The following CDH18 variants were observed in gnomAD, a reference collection of about 807,000 sequenced individuals.
CDH18 encodes the protein cadherin 18.
A neutral mutation model predicts 67.9 loss-of-function variants in CDH18; 31 were observed. The observed-to-expected ratio is 0.46, with a 90% CI of 0.34 to 0.62. The LOEUF is 0.62. Ranked by LOEUF, CDH18 falls within the 20% of genes least tolerant of loss-of-function variation. The pLI is 0.01. For synonymous variants in CDH18, 362 were observed against 347.2 expected (o/e 1.04, Z -0.48); for missense variants, 890 against 975.5 (o/e 0.91, Z 1.17).
chr5:19,722,296 C>G (rs757879929), intron 4 of CDH18, among the ~76,000 whole-genome samples: 5 of 151,838 alleles, frequency 3.3e-5, no homozygotes, highest in Non-Finnish European at 7.4e-5. Flanking sequence ...TCTGGTGATC[C>G]GCCCCGCTCA....
intron 2 of CDH18, among the ~76,000 whole-genome samples, chr5:19,876,724 T>C (rs1581751459): frequency 6.6e-6 from 1 of 152,098 alleles, no homozygotes; most frequent in East Asian, 1.9e-4. Flanking sequence ...GTAGGTTTTA[T>C]GTAAAGCATG....
At chr5:20,466,880 G>A (rs1751668293) in intron 1 of CDH18, among the ~76,000 whole-genome samples, 1 of 152,016 alleles carries the variant, frequency 6.6e-6, no homozygotes, top group South Asian at 2.1e-4. Flanking sequence ...TTACTTAATG[G>A]AAATAGGAAT....
chr5:20,118,956 C>T (rs143244055), intron 2 of CDH18, among the ~76,000 whole-genome samples: 6 of 152,176 alleles, frequency 3.9e-5, no homozygotes, highest in Admixed American at 6.5e-5. Context: ...CAAATCAACC[C>T]GTACATGAGC....
chr5:20,480,623 C>T (rs1243791070), intron 1 of CDH18, among the ~76,000 whole-genome samples: 1 of 152,078 alleles, frequency 6.6e-6, no homozygotes, highest in African/African-American at 2.4e-5. Context: ...CCATATTGGC[C>T]AGGCTGGTCT....
At chr5:20,371,433 C>A (rs922431907) in intron 1 of CDH18, among the ~76,000 whole-genome samples, 1 of 152,076 alleles carries the variant, frequency 6.6e-6, no homozygotes, top group African/African-American at 2.4e-5. Context: ...GAATATGGAA[C>A]AATGGGAGAC....
chr5:19,742,081 A>C (rs565764277), intron 4 of CDH18, among the ~76,000 whole-genome samples: 1 of 152,306 alleles, frequency 6.6e-6, no homozygotes, highest in Admixed American at 6.5e-5. Context: ...AAACCACTTC[A>C]GTTTATTTTT....
chr5:20,261,518 A>G (rs1444252400), intron 1 of CDH18, among the ~76,000 whole-genome samples: 1 of 152,140 alleles, frequency 6.6e-6, no homozygotes, highest in Non-Finnish European at 1.5e-5. Context: ...AGGCGGGCAG[A>G]TCACGAGGTC....
At position 20,010,218 on chromosome 5, in the gene CDH18, T is replaced by A. The variant is rs1024030088; in HGVS notation, c.-517-18204A>T. ...ACCTCTACCATCTTCCATCTCTTAATCTCTTACATCACTCCTTCTTTTTAA... is the reference window on the plus strand; with the variant it reads ...ACCTCTACCATCTTCCATCTCTTAAACTCTTACATCACTCCTTCTTTTTAA... On this transcript the variant is annotated intron_variant, in intron 2 of 14. Transcript: ENST00000507958. 7.2e-4 allele frequency among the ~76,000 whole-genome samples: 109 copies of A among 151,494 alleles called. 1 individual carries two copies. Among genetic ancestry groups the A allele is most frequent in the Non-Finnish European group, 4.6e-4 (31 of 67,826 alleles).
chr5:20,143,339 T>A (rs1404069657), intron 2 of CDH18, among the ~76,000 whole-genome samples: 1 of 152,072 alleles, frequency 6.6e-6, no homozygotes, highest in South Asian at 2.1e-4. Flanking sequence ...AGTGGCATAT[T>A]TAGATGAGAA....
At chr5:20,474,619 A>G (rs1474579043) in intron 1 of CDH18, among the ~76,000 whole-genome samples, 1 of 152,226 alleles carries the variant, frequency 6.6e-6, no homozygotes, top group African/African-American at 2.4e-5. Flanking sequence ...GAGAAAAATA[A>G]AAGACTAAAA....
At position 19,571,643 on chromosome 5, in the gene CDH18, T is replaced by G. The variant is rs189886913; in HGVS notation, c.1189A>C (p.Lys397Gln). The change falls in exon 8 of 13, where the codon AAG (lysine) becomes CAG (glutamine). Residue 397 changes from lysine to glutamine, a missense_variant. Coordinates refer to ENST00000382275, the MANE Select transcript of CDH18 (RefSeq NM_004934.5). ...SYLMEVYENAKIGTVVGTVLA... is the reference protein window; with the variant it reads ...SYLMEVYENAQIGTVVGTVLA... ...ACTGTACCAACGACGGTCCCAATCT[T>G]GGCATTTTCGTAGACTTCCATGAGG... The G allele has an allele frequency of 2.5e-6, 4 of 1,614,004 alleles. No individual in the cohort carries two copies. In the East Asian group the frequency reaches 8.9e-5, roughly 36 times the overall value.
At chr5:20,135,172 T>A (rs1378042560) in intron 2 of CDH18, among the ~76,000 whole-genome samples, 1 of 152,156 alleles carries the variant, frequency 6.6e-6, no homozygotes, top group East Asian at 1.9e-4. Flanking sequence ...CATTTCACAG[T>A]GATTATTCTT....
intron 1 of CDH18, among the ~76,000 whole-genome samples, chr5:20,419,348 A>G (rs1158632905): frequency 6.6e-6 from 1 of 151,862 alleles, no homozygotes; most frequent in Non-Finnish European, 1.5e-5. Context: ...ACCCTTCACC[A>G]GAACCCAACC....
chr5:20,451,392 CCTT>C (rs993222655), intron 1 of CDH18, among the ~76,000 whole-genome samples: 1 of 152,088 alleles, frequency 6.6e-6, no homozygotes, highest in African/African-American at 2.4e-5. Context: ...AGCACAGAGT[CCTT>C]CTTAGAAATC....
rs374531770 is a variant in CDH18, at chr5:19,653,175, T to C, written c.644-40574A>G. On this transcript the variant is annotated intron_variant, in intron 5 of 12. Transcript: ENST00000382275. ...ACTTTTAAATGGCAAAAACCGCCAT[T>C]ACATTTACACCAACTTAATAATACT... 3.9e-5 allele frequency among the ~76,000 whole-genome samples: 6 copies of C among 151,988 alleles called. No homozygotes were observed. In the East Asian group the frequency reaches 7.8e-4, roughly 20 times the overall value.
At chr5:19,944,465 T>C (rs758502522) in intron 2 of CDH18, among the ~76,000 whole-genome samples, 1 of 152,134 alleles carries the variant, frequency 6.6e-6, no homozygotes, top group Non-Finnish European at 1.5e-5. Flanking sequence ...GTGGTGAATG[T>C]TTACTGTGAC....
chr5:19,903,557 A>G (rs1256317234), intron 2 of CDH18, among the ~76,000 whole-genome samples: 1 of 142,206 alleles, frequency 7.0e-6, no homozygotes, highest in African/African-American at 2.6e-5. Flanking sequence ...ATATATATAT[A>G]TATATATATT....
chr5:20,462,645 TAA>T (rs1751352965), intron 1 of CDH18, among the ~76,000 whole-genome samples: 1 of 152,202 alleles, frequency 6.6e-6, no homozygotes, highest in Non-Finnish European at 1.5e-5. Context: ...CAAAATATTT[TAA>T]AGTCATAGTT....
upstream of CDH18, among the ~76,000 whole-genome samples, chr5:19,992,767 A>G (rs534541800): frequency 1.7e-4 from 26 of 151,720 alleles, no homozygotes; most frequent in East Asian, 4.9e-3. Flanking sequence ...AAAAAAAAGT[A>G]TATGATTTCT....
Sources: allele counts gnomAD v4.1 joint callset (sites outside exome capture counted in the v4.1 genomes callset), GRCh38; gene constraint gnomAD v4.1.1; transcripts MANE v1.5; gene names NCBI Gene and HGNC (gene_info 2026-07-23, HGNC 2026-07-21).